Variants in LRRC8A observed in about 807,000 individuals in gnomAD.
LRRC8A encodes the protein volume-regulated anion channel subunit LRRC8A.
LRRC8A carries 24 observed loss-of-function variants against 52.5 expected under a neutral mutation model. The observed-to-expected ratio is 0.46, with a 90% CI of 0.33 to 0.64. LRRC8A has a LOEUF of 0.64. Ranked by LOEUF, LRRC8A falls within the 30% of genes least tolerant of loss-of-function variation. The pLI, the probability that LRRC8A is intolerant of heterozygous loss-of-function variation, is 0.02. For synonymous variants in LRRC8A, 492 were observed against 494.2 expected, an observed-to-expected ratio of 1.00 and a Z score of 0.06; for missense variants, 677 against 1,094.7, an observed-to-expected ratio of 0.62 and a Z score of 5.38.
At chr9:128,905,130 G>A (rs904636033) in intron 2 of LRRC8A, among the ~76,000 whole-genome samples, 17 of 152,048 alleles carry the variant, frequency 1.1e-4, no homozygotes, top group African/African-American at 2.4e-4. Context: ...CCATGATCAC[G>A]CCACCGCACT....
At chr9:128,889,697 A>G (rs1379701317) in intron 2 of LRRC8A, among the ~76,000 whole-genome samples, 2 of 150,878 alleles carry the variant, frequency 1.3e-5, no homozygotes, top group Non-Finnish European at 3.0e-5. Context: ...GTGTCACCAT[A>G]TTGGCCATGG....
intron 2 of LRRC8A, among the ~76,000 whole-genome samples, chr9:128,897,617 T>C (rs1839867951): frequency 6.6e-6 from 1 of 152,020 alleles, no homozygotes; most frequent in Non-Finnish European, 1.5e-5. Context: ...CAATCTCGGC[T>C]CACTGCAGTC....
rs184255017 is a variant in LRRC8A at position 128,917,167 on chromosome 9, G to T, written c.*796G>T. The T allele has an allele frequency of 1.3e-5, 2 of 152,380 alleles. No individual in the cohort carries two copies. The highest frequency in any genetic ancestry group is 1.9e-4 in the East Asian group (1 of 5,184). 9.4% of individuals were successfully genotyped at this position (152,380 alleles called of 1,614,324 possible). On this transcript the variant is annotated 3_prime_UTR_variant, in exon 4 of 4. Coordinates refer to ENST00000372600, the MANE Select transcript of LRRC8A (RefSeq NM_019594.4). ...CAGTGAGTTGGAGTCTCAGGGCAGG[G>T]TGGCAGTTTCCCTTGAGCAAAGCAG...
At position 128,911,905 on chromosome 9, in the gene LRRC8A, C is replaced by G. The variant is rs944917675; in HGVS notation, c.2157+2584C>G. 2.0e-5 allele frequency among the ~76,000 whole-genome samples: 3 copies of G among 152,274 alleles called. No homozygotes were observed. On this transcript the variant is annotated intron_variant, in intron 3 of 3. Transcript: ENST00000372600. The surrounding 1 kb of genome is among the most constrained non-coding windows in gnomAD (Gnocchi z 4.9). The stretch of plus-strand genomic sequence containing the variant: ...TGGGAGGCCTGAGCCCCTCTTCCTC[C>G]TCACTCGGGCTTGATGGCTCCTTCT...
rs1226590126 is a variant in LRRC8A, at chr9:128,907,539, C to T, written c.375C>T (p.Phe125=). The T allele has an allele frequency of 6.2e-7, 1 of 1,614,048 alleles. No homozygotes were observed. The highest frequency in any genetic ancestry group is 1.7e-5 in the Admixed American group (1 of 60,000). Residue 125 remains phenylalanine, a synonymous_variant, in exon 3 of 4, where the codon TTC becomes TTT. Transcript: ENST00000372600. The surrounding 1 kb of genome is among the most constrained non-coding windows in gnomAD (Gnocchi z 9.3). ...GACTGCACTGGTTTGCCAAGTACTTCCCCTACCTGGTGCTTCTGCACACGC... is the reference window on the plus strand; with the variant it reads ...GACTGCACTGGTTTGCCAAGTACTTTCCCTACCTGGTGCTTCTGCACACGC... ...ENRLHWFAKY[F]PYLVLLHTLI...
intron 2 of LRRC8A, among the ~76,000 whole-genome samples, chr9:128,894,604 C>T (rs1839751753): frequency 6.6e-6 from 1 of 151,484 alleles, no homozygotes; most frequent in Non-Finnish European, 1.5e-5. Context: ...ACCACCCTGG[C>T]CAACATGGCA....
rs1164341116 is a variant in LRRC8A at position 128,907,857 on chromosome 9, G to A, written c.693G>A (p.Val231=). The A allele has an allele frequency of 6.2e-7, 1 of 1,614,144 alleles. No individual in the cohort carries two copies. ...TCGTGGACCGCTCAGAGACGGGCGT[G>A]CTGGACAAGAAGGAGGGGGAGCAAG... is the stretch of plus-strand genomic sequence containing the variant. ...QGIVDRSETG[V]LDKKEGEQAK... is the part of the protein sequence containing the mutation. Residue 231 remains valine, a synonymous_variant, in exon 3 of 4, where the codon GTG becomes GTA. Transcript: ENST00000372600. This position sits in a 1 kb window ranked among gnomAD's most constrained non-coding sequence, Gnocchi z 9.3.
intron 3 of LRRC8A, among the ~76,000 whole-genome samples, chr9:128,913,722 A>C (rs1359061754): frequency 6.6e-6 from 1 of 152,130 alleles, no homozygotes; most frequent in African/African-American, 2.4e-5. Flanking sequence ...TCAGCAGAGG[A>C]GATCACGGGG....
At chr9:128,909,538 C>A (rs1003254784) in intron 3 of LRRC8A, among the ~76,000 whole-genome samples, 25 of 152,250 alleles carry the variant, frequency 1.6e-4, no homozygotes, top group Non-Finnish European at 1.3e-4. Context: ...AATCTCTGGG[C>A]CCCGGGCCTG....
chr9:128,901,348 C>T (rs1840016843), intron 2 of LRRC8A, among the ~76,000 whole-genome samples: 1 of 151,984 alleles, frequency 6.6e-6, no homozygotes, highest in Admixed American at 6.6e-5. Context: ...CCTGTAGTGC[C>T]AGCTGCTTGG....
intron 3 of LRRC8A, among the ~76,000 whole-genome samples, chr9:128,909,661 G>A (rs1029460470): frequency 1.9e-4 from 29 of 152,332 alleles, no homozygotes; most frequent in African/African-American, 5.8e-4. Context: ...GATGTGCTTG[G>A]GCAGGAGGTC....
chr9:128,883,881 G>C (rs1839268091), intron 1 of LRRC8A, among the ~76,000 whole-genome samples: 1 of 152,254 alleles, frequency 6.6e-6, no homozygotes. Flanking sequence ...GGCTGAGGCA[G>C]GAGAATTGCT....
intron 3 of LRRC8A, among the ~76,000 whole-genome samples, chr9:128,914,854 G>T (rs776028062): frequency 6.6e-6 from 1 of 152,192 alleles, no homozygotes; most frequent in African/African-American, 2.4e-5. Flanking sequence ...GCTGGCATAC[G>T]TGAGGCTCTT....
chr9:128,912,246 C>T (rs757083568), intron 3 of LRRC8A, among the ~76,000 whole-genome samples: 7 of 152,120 alleles, frequency 4.6e-5, no homozygotes, highest in Non-Finnish European at 1.0e-4. Flanking sequence ...TTTTTGAGCA[C>T]TTCTAGAATC....
rs966332020 is a variant in LRRC8A, at chr9:128,917,430, G to C, written c.*1059G>C. ...GAGCTGCCAAGGAGGGAGGAGACTC[G>C]GGTTGGCTAATCCCCGGATGAACGG... On this transcript the variant is annotated 3_prime_UTR_variant, in exon 4 of 4. Coordinates refer to ENST00000372600, the MANE Select transcript of LRRC8A (RefSeq NM_019594.4). The C allele has an allele frequency of 6.6e-6, 1 of 152,582 alleles. No individual in the cohort carries two copies. Among genetic ancestry groups the C allele is most frequent in the Non-Finnish European group, 1.5e-5 (1 of 68,040 alleles). 9.5% of individuals were successfully genotyped at this position (152,582 alleles called of 1,614,324 possible). A position where few individuals can be genotyped will look rare whatever the true frequency, so the allele number is the denominator to read the frequency against.
In LRRC8A at chr9:128,916,176, G is replaced by A. The variant is rs1588235815; in HGVS notation, c.2238G>A (p.Leu746=). ...LHLGNNVLQS[L]PSRVGELTNL... ...TGGGCAACAACGTGCTGCAGTCACTGCCCTCCAGGGTGGGCGAGCTGACCA... is the reference window on the plus strand; with the variant it reads ...TGGGCAACAACGTGCTGCAGTCACTACCCTCCAGGGTGGGCGAGCTGACCA... Residue 746 remains leucine, a synonymous_variant, in exon 4 of 4, where the codon CTG becomes CTA. Coordinates refer to ENST00000372600, the MANE Select transcript of LRRC8A (RefSeq NM_019594.4). The surrounding 1 kb of genome is among the most constrained non-coding windows in gnomAD (Gnocchi z 6.1). 2 of 1,613,330 alleles carry A rather than the reference G, an allele frequency of 1.2e-6. No individual in the cohort carries two copies. Among genetic ancestry groups the A allele is most frequent in the East Asian group, 2.2e-5 (1 of 44,882 alleles).
At chr9:128,882,867 G>A in intron 1 of LRRC8A, 1 of 398,562 alleles carries the variant, frequency 2.5e-6, no homozygotes, top group Middle Eastern at 6.3e-4. Flanking sequence ...GGGCCCGAGG[G>A]CGAGGCGAGA....
rs1840846061 is a variant in LRRC8A, at chr9:128,916,917, C to G, written c.*546C>G. The G allele has an allele frequency of 6.4e-6, 1 of 155,202 alleles. No homozygotes were observed. The highest frequency in any genetic ancestry group is 1.4e-5 in the Non-Finnish European group (1 of 69,620). 9.6% of individuals were successfully genotyped at this position (155,202 alleles called of 1,614,324 possible). A position where few individuals can be genotyped will look rare whatever the true frequency, so the allele number is the denominator to read the frequency against. On this transcript the variant is annotated 3_prime_UTR_variant, in exon 4 of 4. Transcript: ENST00000372600. The surrounding 1 kb of genome is among the most constrained non-coding windows in gnomAD (Gnocchi z 6.1). ...GGCGAACCAGCCATGGGACGGTCAC[C>G]CAGCAGTGCCGGGCTGGGCTCTGCG...
Position 128,907,394 on chromosome 9 carries a change from C to A in LRRC8A, c.230C>A (p.Pro77Gln), listed in dbSNP as rs201084502. Residue 77 changes from proline (P) to glutamine (Q), a missense_variant, in exon 3 of 4, where the codon CCG becomes CAG. Transcript: ENST00000372600. This position sits in a 1 kb window ranked among gnomAD's most constrained non-coding sequence, Gnocchi z 9.3. ...TTCCGGGGCTGGGCAGCCCCTGGCC[C>A]GGAGCCCACCTACCCCAACTCCACC... ...DSFRGWAAPGPEPTYPNSTIL... is the reference protein window; with the variant it reads ...DSFRGWAAPGQEPTYPNSTIL... 2 of 1,613,244 alleles carry A rather than the reference C, an allele frequency of 1.2e-6. No homozygotes were observed. The highest frequency in any genetic ancestry group is 1.7e-6 in the Non-Finnish European group (2 of 1,180,016).
Sources: allele counts gnomAD v4.1 joint callset (sites outside exome capture counted in the v4.1 genomes callset), GRCh38; gene constraint gnomAD v4.1.1; non-coding constraint Gnocchi (gnomAD v3.1); transcripts MANE v1.5; gene names NCBI Gene and HGNC (gene_info 2026-07-23, HGNC 2026-07-21).